BICD1: variants seen among roughly 807,000 people sequenced by gnomAD.
The protein encoded by BICD1 is BICD cargo adaptor 1.
A neutral mutation model predicts 92.5 loss-of-function variants in BICD1; 35 were observed. That is an observed-to-expected ratio of 0.38 (90% CI 0.29 to 0.50). The LOEUF (loss-of-function observed/expected upper bound fraction) is 0.50, where lower values mean the gene tolerates loss of function less well. Among genes scored for constraint, BICD1 ranks in the 20% least tolerant of loss-of-function variants. The pLI, the probability that BICD1 is intolerant of heterozygous loss-of-function variation, is 0.93. For missense variants in BICD1, 950 were observed against 1,189.8 expected, an observed-to-expected ratio of 0.80 and a Z score of 2.97; for synonymous variants, 429 against 465.1, an observed-to-expected ratio of 0.92 and a Z score of 1.00.
intron 2 of BICD1, among the ~76,000 whole-genome samples, chr12:32,270,100 G>A (rs1027895568): frequency 2.8e-5 from 4 of 144,666 alleles, no homozygotes; most frequent in African/African-American, 7.8e-5. Context: ...CAGCCTGAGC[G>A]ACAAAGCCAG....
chr12:32,293,390 T>C (rs1488581892), intron 2 of BICD1, among the ~76,000 whole-genome samples: 1 of 152,126 alleles, frequency 6.6e-6, no homozygotes. Context: ...TGATCTCGGC[T>C]CACTGCAACC....
At chr12:32,345,237 A>C (rs959920378) in intron 8 of BICD1, among the ~76,000 whole-genome samples, 2 of 151,132 alleles carry the variant, frequency 1.3e-5, no homozygotes, top group African/African-American at 4.9e-5. Context: ...GCAGTGAGCC[A>C]CTGCACTCCA....
At chr12:32,236,651 T>G (rs1946081730) in intron 2 of BICD1, among the ~76,000 whole-genome samples, 1 of 152,148 alleles carries the variant, frequency 6.6e-6, no homozygotes, top group Non-Finnish European at 1.5e-5. Flanking sequence ...GAGGAAGGCA[T>G]GTTGAAAGCC....
chr12:32,342,923 A>G (rs1938435323), intron 8 of BICD1, among the ~76,000 whole-genome samples: 1 of 152,196 alleles, frequency 6.6e-6, no homozygotes, highest in African/African-American at 2.4e-5. Context: ...TGATTAATGC[A>G]TTATACTGAT....
chr12:32,168,036 G>A (rs995350570), intron 1 of BICD1, among the ~76,000 whole-genome samples: 4 of 148,724 alleles, frequency 2.7e-5, no homozygotes, highest in Admixed American at 6.7e-5. Context: ...GTGTGTGTGT[G>A]TATACTTGTG....
At chr12:32,274,660 A>G (rs1947231269) in intron 2 of BICD1, among the ~76,000 whole-genome samples, 1 of 152,212 alleles carries the variant, frequency 6.6e-6, no homozygotes, top group Non-Finnish European at 1.5e-5. Flanking sequence ...AAGGGAAACT[A>G]TGACCTAAAG....
intron 1 of BICD1, among the ~76,000 whole-genome samples, chr12:32,157,900 C>T (rs889466578): frequency 6.6e-6 from 1 of 152,040 alleles, no homozygotes; most frequent in Non-Finnish European, 1.5e-5. Flanking sequence ...GTCCTGGCTC[C>T]CCACTATTAG....
At chr12:32,162,566 G>T (rs1278231668) in intron 1 of BICD1, among the ~76,000 whole-genome samples, 1 of 152,124 alleles carries the variant, frequency 6.6e-6, no homozygotes, top group African/African-American at 2.4e-5. Flanking sequence ...AAAACAGTAC[G>T]ATATGCCTAG....
intron 8 of BICD1, among the ~76,000 whole-genome samples, chr12:32,342,233 T>C (rs2136288216): frequency 7.0e-6 from 1 of 141,890 alleles, no homozygotes; most frequent in East Asian, 2.1e-4. Flanking sequence ...TATATATATA[T>C]GTATAGTTTT....
chr12:32,374,718 C>T (rs1246287762), intron 9 of BICD1, among the ~76,000 whole-genome samples: 1 of 145,940 alleles, frequency 6.9e-6, no homozygotes, highest in African/African-American at 2.5e-5. Flanking sequence ...CAGGCATGTG[C>T]CACCACGCCC....
intron 8 of BICD1, among the ~76,000 whole-genome samples, chr12:32,355,534 G>A (rs930488449): frequency 2.6e-5 from 4 of 152,196 alleles, no homozygotes; most frequent in Non-Finnish European, 4.4e-5. Flanking sequence ...GGGCGCAGTG[G>A]CTCACACCTG....
chr12:32,368,841 T>C (rs76426291), intron 9 of BICD1, among the ~76,000 whole-genome samples: 2,657 of 152,162 alleles, frequency 0.017, 37 homozygotes, highest in Non-Finnish European at 0.029. Context: ...CTTGAGTCCA[T>C]GAATTTGTGG....
chr12:32,329,594 A>T (rs907433457), intron 5 of BICD1, among the ~76,000 whole-genome samples: 18 of 152,152 alleles, frequency 1.2e-4, no homozygotes, highest in Admixed American at 6.5e-5. Flanking sequence ...AATAATAGAG[A>T]GTGTGTGTGA....
At chr12:32,224,259 C>T (rs1565599436) in intron 2 of BICD1, among the ~76,000 whole-genome samples, 1 of 152,204 alleles carries the variant, frequency 6.6e-6, no homozygotes, top group Non-Finnish European at 1.5e-5. Context: ...GACCTCATAC[C>T]TCTCTGGAAT....
At chr12:32,131,132 G>C (rs537680284) in intron 1 of BICD1, among the ~76,000 whole-genome samples, 1 of 152,286 alleles carries the variant, frequency 6.6e-6, no homozygotes, top group African/African-American at 2.4e-5. Context: ...ACCACGCCAG[G>C]CTGCTCCGTG....
In BICD1 at chr12:32,313,733, C is replaced by T. The variant is rs557067029; in HGVS notation, c.1005+7611C>T. Among the ~76,000 whole-genome samples the T allele has an allele frequency of 6.6e-5, 10 of 152,118 alleles. No homozygotes were observed. Among genetic ancestry groups the T allele is most frequent in the African/African-American group, 9.7e-5 (4 of 41,414 alleles). The stretch of plus-strand genomic sequence containing the variant: ...GCTCATACCTGTAATCCCAGCACTT[C>T]GGAAGGCTGAGGCAGGAGGATAGCT... On this transcript the variant is annotated intron_variant, in intron 4 of 9. Transcript: ENST00000652176. This position sits in a 1 kb window ranked among gnomAD's most constrained non-coding sequence, Gnocchi z 4.2.
chr12:32,197,509 G>A (rs1304454657), intron 1 of BICD1, among the ~76,000 whole-genome samples: 1 of 152,152 alleles, frequency 6.6e-6, no homozygotes, highest in Non-Finnish European at 1.5e-5. Context: ...GAAACCAAAA[G>A]TCTTAATATT....
intron 2 of BICD1, among the ~76,000 whole-genome samples, chr12:32,240,735 C>T (rs181012342): frequency 1.1e-4 from 16 of 151,892 alleles, no homozygotes; most frequent in Admixed American, 3.3e-4. Flanking sequence ...ATACCACTCC[C>T]CACCCCTTAA....
chr12:32,116,510 C>CTCTATATA (rs1233964108), intron 1 of BICD1, among the ~76,000 whole-genome samples: 54 of 104,400 alleles, frequency 5.2e-4, no homozygotes, highest in Admixed American at 1.6e-3. Context: ...CTCTCTCTCT[C>CTCTATATA]TATATATATA....
Sources: gnomAD v4.1 joint callset for allele counts (sites outside exome capture counted in the v4.1 genomes callset) on GRCh38, gnomAD v4.1.1 for gene constraint, Gnocchi (gnomAD v3.1) non-coding constraint, MANE v1.5 for transcripts, NCBI Gene and HGNC (gene_info 2026-07-23, HGNC 2026-07-21) for gene names.